The following NEO1 variants were observed in gnomAD, a reference collection of about 807,000 sequenced individuals.
NEO1 encodes neogenin.
NEO1 carries 63 observed loss-of-function variants against 159.7 expected under a neutral mutation model. The ratio of observed to expected loss-of-function variants is 0.39; its 90% CI spans 0.32 to 0.49. NEO1 has a LOEUF of 0.49. Ranked by LOEUF, NEO1 falls within the 20% of genes least tolerant of loss-of-function variation. The probability of loss-of-function intolerance (pLI) is 0.85; values close to 1 mark genes in which losing one functional copy is unlikely to be tolerated. For synonymous variants in NEO1, 633 were observed against 662.0 expected (o/e 0.96, Z 0.67); for missense variants, 1,615 against 1,831.0 (o/e 0.88, Z 2.15).
intron 1 of NEO1, among the ~76,000 whole-genome samples, chr15:73,094,095 A>G (rs1225439233): frequency 6.6e-6 from 1 of 152,148 alleles, no homozygotes; most frequent in Non-Finnish European, 1.5e-5. Flanking sequence ...TAACTCACAT[A>G]CTATATAATC....
intron 1 of NEO1, among the ~76,000 whole-genome samples, chr15:73,055,898 C>T (rs1204286138): frequency 6.6e-6 from 1 of 152,192 alleles, no homozygotes; most frequent in African/African-American, 2.4e-5. Context: ...CTTTTTACCT[C>T]TCAGCTGTTT....
At chr15:73,147,492 C>A (rs1428931786) in intron 5 of NEO1, among the ~76,000 whole-genome samples, 1 of 152,218 alleles carries the variant, frequency 6.6e-6, no homozygotes, top group East Asian at 1.9e-4. Context: ...TAGGCTTTCT[C>A]ACCTAAGTCT....
intron 1 of NEO1, among the ~76,000 whole-genome samples, chr15:73,072,178 T>G (rs1002164358): frequency 4.6e-5 from 7 of 152,164 alleles, no homozygotes; most frequent in Non-Finnish European, 1.0e-4. Context: ...CTTGAACTCC[T>G]GACCTCAGGT....
intron 7 of NEO1, among the ~76,000 whole-genome samples, chr15:73,206,846 T>C (rs947349943): frequency 6.7e-6 from 1 of 149,110 alleles, no homozygotes; most frequent in African/African-American, 2.5e-5. Context: ...TGTGTGTGTG[T>C]GCGTGTGTGT....
chr15:73,224,862 G>A (rs2038487942), intron 7 of NEO1, among the ~76,000 whole-genome samples: 2 of 152,002 alleles, frequency 1.3e-5, no homozygotes, highest in South Asian at 4.2e-4. Flanking sequence ...ATTTTTTGGG[G>A]GGGGTGTTAA....
chr15:73,293,809 A>G (rs1173126012), intron 26 of NEO1, among the ~76,000 whole-genome samples: 1 of 152,182 alleles, frequency 6.6e-6, no homozygotes, highest in African/African-American at 2.4e-5. Context: ...TTGTTCCATA[A>G]ACTTGCACTT....
chr15:73,273,051 T>G (rs1255827938), intron 19 of NEO1, among the ~76,000 whole-genome samples: 28 of 150,430 alleles, frequency 1.9e-4, no homozygotes. Flanking sequence ...GTACCTGTGC[T>G]CTTATAATTA....
rs34386426 is a variant in NEO1 at position 73,140,787 on chromosome 15, G to A, written c.1015+4760G>A. 5.9e-3 allele frequency among the ~76,000 whole-genome samples: 897 copies of A among 152,194 alleles called. 4 individuals carry two copies. Among genetic ancestry groups the A allele is most frequent in the Non-Finnish European group, 0.01 (688 of 68,010 alleles). On this transcript the variant is annotated intron_variant, in intron 5 of 28. Transcript: ENST00000261908. ...ATATTGACAGATCACTGCTACATTCGACAATGTGGGTAAATATCACAAACA... is the reference window on the plus strand; with the variant it reads ...ATATTGACAGATCACTGCTACATTCAACAATGTGGGTAAATATCACAAACA...
At chr15:73,126,373 T>G in intron 3 of NEO1, 44 bp from the exon 4 acceptor site, 4 of 1,529,092 alleles carry the variant, frequency 2.6e-6, no homozygotes, top group Non-Finnish European at 3.5e-6. Flanking sequence ...TCCAGCCTGT[T>G]TTGTCCTTTA....
chr15:73,237,033 G>A (rs2039216753), intron 8 of NEO1, among the ~76,000 whole-genome samples: 1 of 152,186 alleles, frequency 6.6e-6, no homozygotes, highest in African/African-American at 2.4e-5. Context: ...TGTGCCACAG[G>A]CTGGCTTCAC....
intron 2 of NEO1, 77 bp downstream of exon 2, chr15:73,116,934 G>A (rs1316267885): frequency 8.2e-7 from 1 of 1,216,494 alleles, no homozygotes; most frequent in East Asian, 2.4e-5. Flanking sequence ...CTGTTCTCTT[G>A]GAGTTTTCTT....
chr15:73,196,458 C>G (rs2036536966), intron 7 of NEO1, among the ~76,000 whole-genome samples: 1 of 152,144 alleles, frequency 6.6e-6, no homozygotes, highest in South Asian at 2.1e-4. Context: ...AGACTTGGTT[C>G]CTTAGAGGAG....
Position 73,236,413 on chromosome 15 carries a change from G to A in NEO1, c.1358G>A (p.Arg453His), listed in dbSNP as rs759628700. 8 of 1,613,928 alleles carry A rather than the reference G, an allele frequency of 5.0e-6. No individual in the cohort carries two copies. The highest frequency in any genetic ancestry group is 2.2e-5 in the South Asian group (2 of 91,080). The change falls in exon 8 of 29, where the codon CGC (arginine) becomes CAC (histidine). Residue 453 changes from arginine to histidine, a missense_variant. By Grantham distance (29) the Arg-to-His change is conservative. This residue lies in a region of NEO1 where 1,018 missense variants were observed against 1,115.4 expected (regional missense o/e 0.91). Transcript: ENST00000261908. Reference sequence around the variant, plus strand: ...GTCGTGGCCTCCCTGGTCTCTACCCGCTTCATCAAATTGACGTGGCGGACA... The same window carrying A: ...GTCGTGGCCTCCCTGGTCTCTACCCACTTCATCAAATTGACGTGGCGGACA... ...RDVVASLVST[R>H]FIKLTWRTPA...
At chr15:73,281,490 C>T (rs1300687990) in intron 22 of NEO1, among the ~76,000 whole-genome samples, 4 of 152,018 alleles carry the variant, frequency 2.6e-5, no homozygotes, top group South Asian at 2.1e-4. Flanking sequence ...CTCCTGACCT[C>T]GTGATCCACC....
intron 26 of NEO1, among the ~76,000 whole-genome samples, chr15:73,297,330 A>G (rs748259250): frequency 2.6e-5 from 4 of 152,330 alleles, no homozygotes; most frequent in Non-Finnish European, 5.9e-5. Flanking sequence ...AGTTACTTTG[A>G]GGATCTAGTG....
rs188284848 is a variant in NEO1 at position 73,076,174 on chromosome 15, T to G, written c.130+23369T>G. On this transcript the variant is annotated intron_variant, in intron 1 of 28. Coordinates refer to ENST00000261908, the MANE Select transcript of NEO1 (RefSeq NM_002499.4). ...GATCTCCCTTTTGTCTGCTTTTGGT[T>G]TGTGATGGTATAACATTGCCTGCAA... Among the ~76,000 whole-genome samples, 10 of 152,260 alleles carry G rather than the reference T, an allele frequency of 6.6e-5. No homozygotes were observed. The East Asian group carries it at 1.9e-3, about 29-fold the overall frequency.
rs780647785 is a variant in NEO1 at position 73,249,090 on chromosome 15, GTGCATA to G, written c.1642_1647del (p.Tyr548_Ala549del). The G allele has an allele frequency of 6.2e-7, 1 of 1,613,842 alleles. No individual in the cohort carries two copies. Among genetic ancestry groups the G allele is most frequent in the Admixed American group, 1.7e-5 (1 of 59,992 alleles). ...CTCCCTGGCCCAGCACCTAACCTTC[GTGCATA>G]TGCAGCTTCGCCTACCTCCATCACT... On this transcript the variant is annotated inframe_deletion, in exon 10 of 29. Transcript: ENST00000261908.
chr15:73,227,193 A>G (rs1205240739), intron 7 of NEO1, among the ~76,000 whole-genome samples: 1 of 152,194 alleles, frequency 6.6e-6, no homozygotes, highest in East Asian at 1.9e-4. Context: ...CTGATGACTT[A>G]CTCAATATAA....
intron 13 of NEO1, 87 bp downstream of exon 13, chr15:73,254,916 C>A: frequency 7.2e-7 from 1 of 1,380,274 alleles, no homozygotes; most frequent in Non-Finnish European, 9.7e-7. Flanking sequence ...TCTGAACTGT[C>A]GACTTATACA....
Sources: allele counts gnomAD v4.1 joint callset (sites outside exome capture counted in the v4.1 genomes callset), GRCh38; gene constraint gnomAD v4.1.1; regional missense constraint gnomAD v4.1.1; transcripts MANE v1.5; gene names NCBI Gene and HGNC (gene_info 2026-07-23, HGNC 2026-07-21).